Variants in AGGF1 observed in about 807,000 individuals in gnomAD.
AGGF1 encodes angiogenic factor with G-patch and FHA domains 1.
In AGGF1, 56 loss-of-function variants were observed where a neutral mutation model predicts 86.5. The ratio of observed to expected loss-of-function variants is 0.65; its 90% CI spans 0.52 to 0.81. AGGF1 has a LOEUF of 0.81. Ranked by LOEUF, AGGF1 falls within the 30% of genes least tolerant of loss-of-function variation. AGGF1 has a pLI of 0.00. For synonymous variants in AGGF1, 313 were observed against 297.1 expected (o/e 1.05, Z -0.55); for missense variants, 816 against 850.9 (o/e 0.96, Z 0.51).
chr5:77,058,620 G>T (rs1747497411), intron 11 of AGGF1, among the ~76,000 whole-genome samples: 1 of 152,130 alleles, frequency 6.6e-6, no homozygotes, highest in Non-Finnish European at 1.5e-5. Flanking sequence ...AGGATAGATA[G>T]TTCTATATTT....
At chr5:77,043,689 A>C (rs1307870738) in intron 5 of AGGF1, among the ~76,000 whole-genome samples, 11 of 94,684 alleles carry the variant, frequency 1.2e-4, no homozygotes, top group Admixed American at 2.1e-4. Flanking sequence ...GATCCCCCCC[A>C]CCTCCCTCCC....
chr5:77,032,627 A>G (rs985379162), intron 1 of AGGF1, among the ~76,000 whole-genome samples: 3 of 151,658 alleles, frequency 2.0e-5, no homozygotes, highest in African/African-American at 7.3e-5. Flanking sequence ...TTTTTACATG[A>G]CAGCCTTTTG....
rs1415507737 is a variant in AGGF1 at position 77,032,728 on chromosome 5, G to A, written c.211-1690G>A. ...TTTTTTGCTAATCTTCAGAGAGCCA[G>A]CATTTTGGTGTTACTGTTAATTTGA... On this transcript the variant is annotated intron_variant, in intron 1 of 13. Transcript: ENST00000312916. Among the ~76,000 whole-genome samples, 3 of 152,164 alleles carry A rather than the reference G, an allele frequency of 2.0e-5. No homozygotes were observed. In the East Asian group the frequency reaches 5.8e-4, roughly 29 times the overall value.
At chr5:77,047,140 T>C (rs767137904) in intron 6 of AGGF1, among the ~76,000 whole-genome samples, 4 of 152,230 alleles carry the variant, frequency 2.6e-5, no homozygotes, top group Non-Finnish European at 4.4e-5. Context: ...ATATTACAGT[T>C]GGCCTTCTGT....
At chr5:77,059,837 G>A in intron 12 of AGGF1, 94 bp downstream of exon 12, 3 of 1,500,892 alleles carry the variant, frequency 2.0e-6, no homozygotes, top group Non-Finnish European at 2.8e-6. Context: ...CCTGATAGGT[G>A]GCCTATTTAT....
At chr5:77,034,054 G>A (rs1316976003) in intron 1 of AGGF1, among the ~76,000 whole-genome samples, 1 of 152,192 alleles carries the variant, frequency 6.6e-6, no homozygotes, top group Non-Finnish European at 1.5e-5. Context: ...AATACCAAAT[G>A]AGTATTAGAT....
intron 11 of AGGF1, among the ~76,000 whole-genome samples, chr5:77,058,532 A>T (rs1204649092): frequency 9.2e-5 from 14 of 152,228 alleles, no homozygotes; most frequent in Admixed American, 9.2e-4. Flanking sequence ...AATAGAAGAC[A>T]TTTAAGGAGA....
At chr5:77,062,998 AT>A in intron 13 of AGGF1, 53 bp from the exon 14 acceptor site, 1 of 1,595,156 alleles carries the variant, frequency 6.3e-7, no homozygotes, top group Non-Finnish European at 8.6e-7. Flanking sequence ...GACACAGCAG[AT>A]TTCAATGTGT....
chr5:77,039,985 C>A (rs1747040458), intron 5 of AGGF1, among the ~76,000 whole-genome samples: 1 of 151,936 alleles, frequency 6.6e-6, no homozygotes, highest in Non-Finnish European at 1.5e-5. Context: ...AATTCAGATC[C>A]TCAGTTGATA....
intron 8 of AGGF1, among the ~76,000 whole-genome samples, chr5:77,052,189 C>T (rs1280340199): frequency 3.3e-5 from 5 of 151,874 alleles, no homozygotes; most frequent in African/African-American, 9.7e-5. Flanking sequence ...CCTGTCTCTA[C>T]AAAAATTACA....
In AGGF1 at chr5:77,043,331, C is replaced by T. The variant is rs1230970453; in HGVS notation, c.871-3016C>T. ...AGGGCTGACCCCCCCACCTCCCTCC[C>T]GGACAGGGCGGCTGGCCGGGCGGGG... On this transcript the variant is annotated intron_variant, in intron 5 of 13. Coordinates refer to ENST00000312916, the MANE Select transcript of AGGF1 (RefSeq NM_018046.5). Among the ~76,000 whole-genome samples, 73 of 31,228 alleles carry T rather than the reference C, an allele frequency of 2.3e-3. 1 individual carries two copies. The highest frequency in any genetic ancestry group is 0.014 in the South Asian group (12 of 862). The allele number at this position is 31,228 out of a possible 152,430, so 20.5% of individuals were successfully genotyped here.
Position 77,030,596 on chromosome 5 carries a change from G to A in AGGF1, c.-171G>A. 2.5e-6 allele frequency: 2 copies of A among 789,136 alleles called. No homozygotes were observed. The highest frequency in any genetic ancestry group is 4.3e-6 in the Non-Finnish European group (2 of 466,464). The allele number at this position is 789,136 out of a possible 1,614,324, so 48.9% of individuals were successfully genotyped here. ...CCCCTTGCTCGTTGCTCGCAGCCCC[G>A]TTCGGCTACAAGTGAGTTTCAGGGC... On this transcript the variant is annotated 5_prime_UTR_variant, in exon 1 of 14. Coordinates refer to ENST00000312916, the MANE Select transcript of AGGF1 (RefSeq NM_018046.5).
intron 5 of AGGF1, among the ~76,000 whole-genome samples, chr5:77,043,597 C>CA (rs754545975): frequency 2.0e-5 from 1 of 51,034 alleles, no homozygotes; most frequent in Non-Finnish European, 4.0e-5. Context: ...ACCCCCCCCC[C>CA]CCCGGATGGC....
At chr5:77,049,350 A>T (rs1223680428) in intron 8 of AGGF1, among the ~76,000 whole-genome samples, 1 of 152,144 alleles carries the variant, frequency 6.6e-6, no homozygotes, top group Admixed American at 6.5e-5. Context: ...GGTTACTTTG[A>T]GCCGGAGGAT....
chr5:77,055,166 T>C (rs1025387475), intron 10 of AGGF1, among the ~76,000 whole-genome samples: 5 of 152,216 alleles, frequency 3.3e-5, no homozygotes, highest in African/African-American at 1.2e-4. Flanking sequence ...TTCTCTGGCT[T>C]TTATTTTGCA....
chr5:77,058,079 C>CA (rs1747490454), intron 11 of AGGF1, among the ~76,000 whole-genome samples: 1 of 152,172 alleles, frequency 6.6e-6, no homozygotes, highest in African/African-American at 2.4e-5. Context: ...CAAAGAGAGA[C>CA]AAGGACACTT....
intron 1 of AGGF1, among the ~76,000 whole-genome samples, chr5:77,032,341 G>T: frequency 6.6e-6 from 1 of 151,500 alleles, no homozygotes; most frequent in East Asian, 1.9e-4. Context: ...GCCGAGGCGG[G>T]CGAATCACGA....
chr5:77,048,990 A>C lies in AGGF1; in HGVS notation c.1365+3A>C, dbSNP rs1418696318. On this transcript the variant is annotated splice_donor_region_variant and intron_variant, in intron 8 of 13. Coordinates refer to ENST00000312916, the MANE Select transcript of AGGF1 (RefSeq NM_018046.5). ...TCCCTGAAGTTGGTGTCAGTAAGGT[A>C]AGCTCTTTGATTTATCAAATATAGT... The C allele has an allele frequency of 1.2e-6, 2 of 1,613,372 alleles. No individual in the cohort carries two copies. Among genetic ancestry groups the C allele is most frequent in the South Asian group, 2.2e-5 (2 of 91,070 alleles).
intron 1 of AGGF1, among the ~76,000 whole-genome samples, chr5:77,032,693 A>C (rs1012735758): frequency 6.6e-6 from 1 of 152,202 alleles, no homozygotes; most frequent in Non-Finnish European, 1.5e-5. Flanking sequence ...AGAGATTCTA[A>C]AAGAAAACGT....
Sources: gnomAD v4.1 joint callset for allele counts (sites outside exome capture counted in the v4.1 genomes callset) on GRCh38, gnomAD v4.1.1 for gene constraint, MANE v1.5 for transcripts, NCBI Gene and HGNC (gene_info 2026-07-23, HGNC 2026-07-21) for gene names.